NALF1: variants seen among roughly 807,000 people sequenced by gnomAD.
NALF1 encodes NALCN channel auxiliary factor 1.
A neutral mutation model predicts 48.4 loss-of-function variants in NALF1; 3 were observed. The observed-to-expected ratio is 0.06, with a 90% CI of 0.03 to 0.16. The LOEUF (loss-of-function observed/expected upper bound fraction) is 0.16. Ranked by LOEUF, NALF1 falls within the 10% of genes least tolerant of loss-of-function variation. The pLI is 1.00. For missense variants in NALF1, 526 were observed against 571.5 expected, an observed-to-expected ratio of 0.92 and a Z score of 0.81; for synonymous variants, 262 against 245.7, an observed-to-expected ratio of 1.07 and a Z score of -0.62.
At chr13:107,498,286 TAG>T (rs34322548) in intron 1 of NALF1, among the ~76,000 whole-genome samples, 18,720 of 152,082 alleles carry the variant, frequency 0.12, 1,294 homozygotes, top group South Asian at 0.2. Context: ...AGTTCAAACA[TAG>T]AGTCTTCTCA....
At chr13:107,270,116 G>T (rs574995593) in intron 1 of NALF1, among the ~76,000 whole-genome samples, 1 of 151,674 alleles carries the variant, frequency 6.6e-6, no homozygotes, top group East Asian at 1.9e-4. Context: ...AATGATGCAG[G>T]ATTATTTGAA....
At chr13:107,286,607 A>G (rs1881499055) in intron 1 of NALF1, among the ~76,000 whole-genome samples, 1 of 151,276 alleles carries the variant, frequency 6.6e-6, no homozygotes, top group African/African-American at 2.4e-5. Context: ...AAAAAAAAGA[A>G]AGAAAGAAAA....
At chr13:107,680,947 CAGTG>C (rs1170577506) in intron 1 of NALF1, among the ~76,000 whole-genome samples, 2 of 64,808 alleles carry the variant, frequency 3.1e-5, no homozygotes, top group Admixed American at 1.4e-4. Flanking sequence ...ATGAGTGTAA[CAGTG>C]TGTGTGTGTG....
chr13:107,496,550 A>G (rs1875342894), intron 1 of NALF1, among the ~76,000 whole-genome samples: 1 of 152,144 alleles, frequency 6.6e-6, no homozygotes, highest in Non-Finnish European at 1.5e-5. Context: ...CTGTTTAATC[A>G]TGTTCAGTTT....
intron 1 of NALF1, among the ~76,000 whole-genome samples, chr13:107,211,066 C>T (rs1198200639): frequency 1.3e-5 from 2 of 152,150 alleles, no homozygotes; most frequent in Non-Finnish European, 2.9e-5. Flanking sequence ...CAAAATTCAG[C>T]GATATCTAAA....
At chr13:107,750,393 C>T (rs370641538) in intron 1 of NALF1, among the ~76,000 whole-genome samples, 21 of 152,160 alleles carry the variant, frequency 1.4e-4, no homozygotes, top group Admixed American at 5.9e-4. Flanking sequence ...CAATGTTTAA[C>T]TCATATTCAA....
intron 1 of NALF1, among the ~76,000 whole-genome samples, chr13:107,342,493 T>G (rs186911037): frequency 3.9e-5 from 6 of 152,216 alleles, no homozygotes; most frequent in African/African-American, 1.2e-4. Flanking sequence ...AAAACCTTTA[T>G]GAGAACTCCA....
chr13:107,453,684 C>T (rs968399850), intron 1 of NALF1, among the ~76,000 whole-genome samples: 2 of 152,216 alleles, frequency 1.3e-5, no homozygotes. Flanking sequence ...ATTTCTGCAG[C>T]CAGCTTGGAT....
intron 2 of NALF1, among the ~76,000 whole-genome samples, chr13:107,201,768 A>G (rs1227058730): frequency 1.3e-5 from 2 of 152,178 alleles, no homozygotes; most frequent in Non-Finnish European, 2.9e-5. Context: ...TACACACAAA[A>G]AAAGACTAAA....
At chr13:107,269,391 T>C (rs999783141) in intron 1 of NALF1, among the ~76,000 whole-genome samples, 1 of 152,184 alleles carries the variant, frequency 6.6e-6, no homozygotes, top group Admixed American at 6.5e-5. Context: ...GGATAGTAAA[T>C]GTTATTTACT....
chr13:107,380,156 C>A (rs868280886), intron 1 of NALF1, among the ~76,000 whole-genome samples: 4 of 151,990 alleles, frequency 2.6e-5, no homozygotes, highest in South Asian at 2.1e-4. Flanking sequence ...TTTGTTATTT[C>A]ATTATTTGTG....
At chr13:107,412,665 TGGC>T (rs1307096656) in intron 1 of NALF1, among the ~76,000 whole-genome samples, 2 of 152,242 alleles carry the variant, frequency 1.3e-5, no homozygotes, top group Non-Finnish European at 2.9e-5. Context: ...TATTATGTTA[TGGC>T]TGTAACACAG....
intron 1 of NALF1, among the ~76,000 whole-genome samples, chr13:107,812,952 T>C (rs1272371979): frequency 6.6e-6 from 1 of 152,058 alleles, no homozygotes; most frequent in African/African-American, 2.4e-5. Context: ...GAATAGGTTT[T>C]GCCATGTTGT....
chr13:107,783,609 T>G (rs1482982372), intron 1 of NALF1, among the ~76,000 whole-genome samples: 1 of 152,008 alleles, frequency 6.6e-6, no homozygotes, highest in African/African-American at 2.4e-5. Flanking sequence ...CCACTCAGGG[T>G]TGAATGGATT....
At chr13:107,580,018 T>C (rs1454622394) in intron 1 of NALF1, among the ~76,000 whole-genome samples, 3 of 152,018 alleles carry the variant, frequency 2.0e-5, no homozygotes, top group Non-Finnish European at 2.9e-5. Flanking sequence ...TGCGGCATTA[T>C]TCACAATAGC....
chr13:107,170,664 G>T lies in NALF1; in HGVS notation c.1210C>A (p.Leu404Ile), dbSNP rs552670524. Residue 404 changes from leucine (L) to isoleucine (I), a missense_variant, in exon 3 of 3, where the codon CTC becomes ATC. Leu to Ile is a conservative substitution (Grantham distance 5). This residue lies in a region of NALF1 where 153 missense variants were observed against 215.9 expected (regional missense o/e 0.71). Transcript: ENST00000375915. ...EKSGSCHRTS[L>I]TVSSATRLCN... ...AGTCTTGTTGCTGATGACACTGTGA[G>T]CGATGTCCTGTGACAGGAGCCACTT... 1 of 1,614,194 alleles carries T rather than the reference G, an allele frequency of 6.2e-7. No individual in the cohort carries two copies. The highest frequency in any genetic ancestry group is 1.7e-5 in the Admixed American group (1 of 60,030).
At chr13:107,314,032 C>T (rs1566482518) in intron 1 of NALF1, among the ~76,000 whole-genome samples, 1 of 152,268 alleles carries the variant, frequency 6.6e-6, no homozygotes, top group East Asian at 1.9e-4. Context: ...GTCTCAGATA[C>T]TTTTGGTTCA....
intron 1 of NALF1, among the ~76,000 whole-genome samples, chr13:107,736,930 C>A (rs1876485231): frequency 6.6e-6 from 1 of 152,180 alleles, no homozygotes; most frequent in South Asian, 2.1e-4. Flanking sequence ...GCAGGGGATT[C>A]CCACACAGCG....
intron 1 of NALF1, among the ~76,000 whole-genome samples, chr13:107,667,883 G>A (rs575188582): frequency 2.6e-5 from 4 of 151,984 alleles, no homozygotes; most frequent in Admixed American, 2.0e-4. Flanking sequence ...CCATATAATG[G>A]AAAATATTTT....
Sources: allele counts gnomAD v4.1 joint callset (sites outside exome capture counted in the v4.1 genomes callset), GRCh38; gene constraint gnomAD v4.1.1; regional missense constraint gnomAD v4.1.1; transcripts MANE v1.5; gene names NCBI Gene and HGNC (gene_info 2026-07-23, HGNC 2026-07-21).